The following TUBA1C variants were observed in gnomAD, a reference collection of about 807,000 sequenced individuals.
TUBA1C encodes tubulin alpha-1C chain.
A neutral mutation model predicts 34.9 loss-of-function variants in TUBA1C; 16 were observed. The observed-to-expected ratio is 0.46, with a 90% confidence interval of 0.31 to 0.70. The LOEUF (loss-of-function observed/expected upper bound fraction) is 0.70, where lower values mean the gene tolerates loss of function less well. Among genes scored for constraint, TUBA1C ranks in the 30% least tolerant of loss-of-function variants. TUBA1C has a pLI of 0.05. For synonymous variants in TUBA1C, 177 were observed against 215.9 expected, an observed-to-expected ratio of 0.82 and a Z score of 1.58; for missense variants, 329 against 587.3, an observed-to-expected ratio of 0.56 and a Z score of 4.55.
At chr12:49,243,593 T>G (rs571599962) in intron 1 of TUBA1C, among the ~76,000 whole-genome samples, 1 of 152,128 alleles carries the variant, frequency 6.6e-6, no homozygotes, top group African/African-American at 2.4e-5. Context: ...TAGCTTTTTG[T>G]TTTTGATTTT....
rs754253529 is a variant in TUBA1C at position 49,269,515 on chromosome 12, T to C, written c.54T>C (p.Asn18=). The C allele has an allele frequency of 6.2e-7, 1 of 1,614,226 alleles. No individual in the cohort carries two copies. The highest frequency in any genetic ancestry group is 1.1e-5 in the South Asian group (1 of 91,086). Residue 18 remains asparagine, a synonymous_variant, in exon 2 of 4, where the codon AAT becomes AAC. Transcript: ENST00000301072. The stretch of plus-strand genomic sequence containing the variant: ...GCCAGGCTGGTGTCCAGATTGGCAA[T>C]GCCTGCTGGGAGCTCTACTGCCTGG... ...HVGQAGVQIG[N]ACWELYCLEH...
chr12:49,243,593 T>C (rs571599962), intron 1 of TUBA1C, among the ~76,000 whole-genome samples: 1 of 152,246 alleles, frequency 6.6e-6, no homozygotes, highest in East Asian at 1.9e-4. Flanking sequence ...TAGCTTTTTG[T>C]TTTTGATTTT....
At chr12:49,271,089 G>A (rs1264502975) in intron 3 of TUBA1C, among the ~76,000 whole-genome samples, 1 of 152,202 alleles carries the variant, frequency 6.6e-6, no homozygotes, top group Admixed American at 6.5e-5. Context: ...TAGGGTTCTG[G>A]AACGTGAGGT....
At position 49,273,439 on chromosome 12, in the gene TUBA1C, G is replaced by A; in HGVS notation, c.*212G>A. ...CTTGCTCTGTCACCCAGGCTGGAGTGCAGTGGCATGATAATACATAGCTCA... is the reference window on the plus strand; with the variant it reads ...CTTGCTCTGTCACCCAGGCTGGAGTACAGTGGCATGATAATACATAGCTCA... On this transcript the variant is annotated 3_prime_UTR_variant, in exon 4 of 4. Transcript: ENST00000301072. 2 of 795,458 alleles carry A rather than the reference G, an allele frequency of 2.5e-6. No individual in the cohort carries two copies. The highest frequency in any genetic ancestry group is 2.8e-5 in the East Asian group (1 of 35,124). 49.3% of individuals were successfully genotyped at this position (795,458 alleles called of 1,614,324 possible).
At chr12:49,235,019 T>A (rs1432333559) in intron 1 of TUBA1C, among the ~76,000 whole-genome samples, 1 of 151,526 alleles carries the variant, frequency 6.6e-6, no homozygotes, top group African/African-American at 2.4e-5. Flanking sequence ...GGTTTCACCA[T>A]GTTGGTCAGG....
At position 49,265,114 on chromosome 12, in the gene TUBA1C, T is replaced by C. The variant is rs549625036; in HGVS notation, c.-68T>C. ...CTCCCCCGGACTCCTTGGTAGTCTG[T>C]TAGTGGGAGATCCTTGTTGCCGTCC... On this transcript the variant is annotated 5_prime_UTR_variant, in exon 1 of 4. Coordinates refer to ENST00000301072, the MANE Select transcript of TUBA1C (RefSeq NM_032704.5). The C allele has an allele frequency of 2.5e-6, 4 of 1,579,464 alleles. No homozygotes were observed. The South Asian group carries it at 3.5e-5, about 14-fold the overall frequency.
chr12:49,237,871 G>A (rs2136990550), intron 1 of TUBA1C, among the ~76,000 whole-genome samples: 1 of 152,118 alleles, frequency 6.6e-6, no homozygotes, highest in Non-Finnish European at 1.5e-5. Flanking sequence ...CACTTTGGGA[G>A]GCTGAAGCAG....
Position 49,238,235 on chromosome 12 carries a change from A to G in TUBA1C, c.213+10069A>G, listed in dbSNP as rs145619646. ...AATACTGATGGCTAGTGCCACATCT[A>G]TTGTATCCCACAATTCTGCTAATGT... On this transcript the variant is annotated intron_variant, in intron 1 of 3. Coordinates refer to the TUBA1C transcript ENST00000541364. 8.8e-3 allele frequency among the ~76,000 whole-genome samples: 1,343 copies of G among 152,132 alleles called. 12 individuals are homozygous for G. Among genetic ancestry groups the G allele is most frequent in the South Asian group, 0.022 (104 of 4,818 alleles).
upstream of TUBA1C, among the ~76,000 whole-genome samples, chr12:49,261,082 C>T (rs1406080169): frequency 6.6e-6 from 1 of 152,142 alleles, no homozygotes. Context: ...GGCGCAGGGG[C>T]TCATGCCTGT....
intron 1 of TUBA1C, among the ~76,000 whole-genome samples, chr12:49,234,344 C>A (rs1481135871): frequency 6.6e-6 from 1 of 152,246 alleles, no homozygotes; most frequent in Non-Finnish European, 1.5e-5. Flanking sequence ...ATAACAAGGA[C>A]ACCCTAAAAA....
At chr12:49,255,773 C>T (rs746613467) in intron 1 of TUBA1C, among the ~76,000 whole-genome samples, 1 of 152,006 alleles carries the variant, frequency 6.6e-6, no homozygotes, top group Non-Finnish European at 1.5e-5. Context: ...ACCATGTTGG[C>T]CAGGCTGGTC....
At chr12:49,240,264 A>G (rs1160330119) in intron 1 of TUBA1C, among the ~76,000 whole-genome samples, 2 of 149,800 alleles carry the variant, frequency 1.3e-5, no homozygotes, top group Non-Finnish European at 3.0e-5. Flanking sequence ...TTGTTCTATA[A>G]TTGGGCTTTT....
chr12:49,254,869 A>G (rs751716318), intron 1 of TUBA1C, among the ~76,000 whole-genome samples: 5 of 152,146 alleles, frequency 3.3e-5, no homozygotes, highest in Non-Finnish European at 2.9e-5. Context: ...AGTACAAAAG[A>G]TGCTCCCATC....
intron 1 of TUBA1C, among the ~76,000 whole-genome samples, chr12:49,238,461 C>G (rs1325436582): frequency 2.0e-5 from 3 of 152,016 alleles, no homozygotes; most frequent in Non-Finnish European, 4.4e-5. Context: ...GCCTCGGATC[C>G]CACGAGGACT....
At chr12:49,242,395 A>G (rs774575373) in intron 1 of TUBA1C, among the ~76,000 whole-genome samples, 23 of 152,178 alleles carry the variant, frequency 1.5e-4, no homozygotes, top group Non-Finnish European at 2.8e-4. Context: ...TTAACTAGCA[A>G]AACCAGTCCC....
At chr12:49,264,182 T>G (rs1942868523), upstream of TUBA1C, among the ~76,000 whole-genome samples, 1 of 146,764 alleles carries the variant, frequency 6.8e-6, no homozygotes. Context: ...ATCGCGCCAC[T>G]GCACTCCAGC....
chr12:49,263,995 C>G (rs1423688160), upstream of TUBA1C, among the ~76,000 whole-genome samples: 3 of 151,864 alleles, frequency 2.0e-5, no homozygotes, highest in African/African-American at 7.3e-5. Flanking sequence ...CCGAGGCGGG[C>G]GGATCACGAG....
intron 3 of TUBA1C, 63 bp downstream of exon 3, chr12:49,270,039 A>T (rs555822531): frequency 6.2e-7 from 1 of 1,613,946 alleles, no homozygotes. Flanking sequence ...AGACCAAACT[A>T]CAGAAATCAT....
upstream of TUBA1C, among the ~76,000 whole-genome samples, chr12:49,262,747 T>G (rs564474542): frequency 2.5e-4 from 38 of 152,166 alleles, 1 homozygote; most frequent in South Asian, 7.9e-3. Flanking sequence ...GCCATTGCAC[T>G]CCAGCCTGGG....
Sources: allele counts gnomAD v4.1 joint callset (sites outside exome capture counted in the v4.1 genomes callset), GRCh38; gene constraint gnomAD v4.1.1; transcripts MANE v1.5; gene names NCBI Gene and HGNC (gene_info 2026-07-23, HGNC 2026-07-21).